The following GPC6 variants were observed in gnomAD, a reference collection of about 807,000 sequenced individuals.
GPC6 encodes the protein glypican-6.
GPC6 carries 14 observed loss-of-function variants against 55.2 expected under a neutral mutation model. The observed-to-expected ratio is 0.25, with a 90% CI of 0.17 to 0.40. The LOEUF (loss-of-function observed/expected upper bound fraction) is 0.40. GPC6 is among the 10% of genes least tolerant of loss of function. The probability of loss-of-function intolerance (pLI) is 1.00; values close to 1 mark genes in which losing one functional copy is unlikely to be tolerated. For missense variants in GPC6, 641 were observed against 708.5 expected, an observed-to-expected ratio of 0.90 and a Z score of 1.08; for synonymous variants, 278 against 259.6, an observed-to-expected ratio of 1.07 and a Z score of -0.68.
chr13:94,152,020 T>A (rs556361256), intron 4 of GPC6, among the ~76,000 whole-genome samples: 1 of 152,246 alleles, frequency 6.6e-6, no homozygotes, highest in African/African-American at 2.4e-5. Context: ...AACAGAGCCA[T>A]ACTAGAGCAA....
chr13:94,106,390 G>T (rs961604547), intron 4 of GPC6, among the ~76,000 whole-genome samples: 1 of 152,160 alleles, frequency 6.6e-6, no homozygotes, highest in Non-Finnish European at 1.5e-5. Flanking sequence ...GTTGGTGAAA[G>T]TGGGTAGCGA....
intron 2 of GPC6, among the ~76,000 whole-genome samples, chr13:93,594,189 C>G (rs1410402599): frequency 2.0e-5 from 3 of 150,638 alleles, no homozygotes; most frequent in Non-Finnish European, 4.4e-5. Flanking sequence ...CTTTTAAGTT[C>G]AGGGGTACAA....
At chr13:93,850,652 G>A (rs963706494) in intron 3 of GPC6, among the ~76,000 whole-genome samples, 4 of 151,736 alleles carry the variant, frequency 2.6e-5, no homozygotes, top group African/African-American at 9.7e-5. Context: ...TATCATGACC[G>A]TAATATGAAA....
intron 1 of GPC6, among the ~76,000 whole-genome samples, chr13:93,397,075 A>G (rs1490558713): frequency 6.6e-6 from 1 of 152,196 alleles, no homozygotes; most frequent in Non-Finnish European, 1.5e-5. Flanking sequence ...TACTTTGATA[A>G]ACATTTATAC....
chr13:93,906,950 G>A (rs1009554561), intron 3 of GPC6, among the ~76,000 whole-genome samples: 9 of 152,054 alleles, frequency 5.9e-5, no homozygotes, highest in Admixed American at 1.3e-4. Flanking sequence ...AATGTTTTTT[G>A]AATGCCTGTC....
intron 4 of GPC6, among the ~76,000 whole-genome samples, chr13:94,284,334 A>G (rs1286601482): frequency 6.6e-6 from 1 of 152,174 alleles, no homozygotes; most frequent in Non-Finnish European, 1.5e-5. Context: ...GACCTTTTAC[A>G]GTGGCCTCAA....
intron 2 of GPC6, among the ~76,000 whole-genome samples, chr13:93,588,666 G>A (rs1877320310): frequency 6.6e-6 from 1 of 152,088 alleles, no homozygotes; most frequent in Admixed American, 6.6e-5. Context: ...TGGTGGAGCA[G>A]GCATATCACA....
chr13:94,292,419 G>C (rs754523649), intron 5 of GPC6, among the ~76,000 whole-genome samples: 2 of 152,180 alleles, frequency 1.3e-5, no homozygotes, highest in African/African-American at 4.8e-5. Flanking sequence ...AGCAAAGCCA[G>C]GACGACCCAA....
At chr13:93,846,657 CA>C (rs1315700911) in intron 3 of GPC6, among the ~76,000 whole-genome samples, 9 of 151,998 alleles carry the variant, frequency 5.9e-5, no homozygotes, top group African/African-American at 2.2e-4. Context: ...ACTTAAAGTA[CA>C]AAAAAATTAG....
intron 4 of GPC6, among the ~76,000 whole-genome samples, chr13:94,061,509 G>A (rs1480921228): frequency 5.3e-5 from 8 of 152,156 alleles, no homozygotes; most frequent in East Asian, 3.9e-4. Context: ...GGAGCAAAGG[G>A]AGGGGTCTGA....
intron 1 of GPC6, among the ~76,000 whole-genome samples, chr13:93,458,276 T>G (rs1213008430): frequency 6.6e-6 from 1 of 152,200 alleles, no homozygotes; most frequent in East Asian, 1.9e-4. Context: ...AGGAAATATC[T>G]TATTTAACCC....
At chr13:94,240,755 A>G (rs575230914) in intron 4 of GPC6, among the ~76,000 whole-genome samples, 1 of 152,192 alleles carries the variant, frequency 6.6e-6, no homozygotes, top group Non-Finnish European at 1.5e-5. Context: ...CAGTGAGGCC[A>G]GTGCTGCAGG....
intron 8 of GPC6, among the ~76,000 whole-genome samples, chr13:94,402,294 T>C (rs973348780): frequency 2.6e-5 from 4 of 152,198 alleles, no homozygotes; most frequent in Non-Finnish European, 5.9e-5. Flanking sequence ...GCTCTGAGTA[T>C]AAAAAGAGCA....
intron 4 of GPC6, among the ~76,000 whole-genome samples, chr13:94,266,160 T>TTTTTG (rs1555313268): frequency 0.014 from 2,104 of 148,116 alleles, 22 homozygotes; most frequent in East Asian, 0.079. Flanking sequence ...TCTTTTTTTT[T>TTTTTG]TTTGTTTGTT....
chr13:93,780,108 A>G (rs930155409), intron 2 of GPC6, among the ~76,000 whole-genome samples: 1 of 152,184 alleles, frequency 6.6e-6, no homozygotes. Context: ...TTAATTATAC[A>G]TGAAAGTCAT....
chr13:94,285,294 C>G (rs1227872446), intron 4 of GPC6, among the ~76,000 whole-genome samples: 1 of 152,066 alleles, frequency 6.6e-6, no homozygotes, highest in Non-Finnish European at 1.5e-5. Flanking sequence ...CAAGAAGGCA[C>G]CTGCTTAGGA....
chr13:93,222,386 C>T (rs1336372447), upstream of GPC6, among the ~76,000 whole-genome samples: 1 of 152,190 alleles, frequency 6.6e-6, no homozygotes, highest in Non-Finnish European at 1.5e-5. Context: ...TTCTGGAAAG[C>T]ATTCCTGACT....
At chr13:93,620,672 A>C (rs1878913174) in intron 2 of GPC6, among the ~76,000 whole-genome samples, 1 of 152,184 alleles carries the variant, frequency 6.6e-6, no homozygotes, top group African/African-American at 2.4e-5. Context: ...CCAAATTCTA[A>C]AAATATGGTA....
intron 6 of GPC6, among the ~76,000 whole-genome samples, chr13:94,353,540 C>G (rs1878653250): frequency 1.3e-5 from 2 of 151,854 alleles, no homozygotes; most frequent in Non-Finnish European, 2.9e-5. Flanking sequence ...TAACACTTTC[C>G]TGAGAAAAAA....
Sources: gnomAD v4.1 joint callset for allele counts (sites outside exome capture counted in the v4.1 genomes callset) on GRCh38, gnomAD v4.1.1 for gene constraint, MANE v1.5 for transcripts, NCBI Gene and HGNC (gene_info 2026-07-23, HGNC 2026-07-21) for gene names.